Variants in IQGAP2 observed in about 807,000 individuals in gnomAD.
IQGAP2 encodes the protein ras GTPase-activating-like protein IQGAP2.
A neutral mutation model predicts 201.3 loss-of-function variants in IQGAP2; 173 were observed. That is an observed-to-expected ratio of 0.86 (90% CI 0.76 to 0.98). The LOEUF (loss-of-function observed/expected upper bound fraction) is 0.98. Among genes scored for constraint, IQGAP2 ranks in the 50% least tolerant of loss-of-function variants. The pLI is 0.00. For missense variants in IQGAP2, 1,687 were observed against 1,864.8 expected, an observed-to-expected ratio of 0.90 and a Z score of 1.76; for synonymous variants, 675 against 673.9, an observed-to-expected ratio of 1.00 and a Z score of -0.03.
chr5:76,645,165 C>T (rs1025507899), intron 17 of IQGAP2, among the ~76,000 whole-genome samples: 32 of 151,962 alleles, frequency 2.1e-4, no homozygotes, highest in African/African-American at 7.3e-4. Context: ...CATGTCCCTG[C>T]AAAGGATGTG....
chr5:76,605,965 C>T (rs767466828), intron 11 of IQGAP2, among the ~76,000 whole-genome samples: 2 of 152,162 alleles, frequency 1.3e-5, no homozygotes, highest in Non-Finnish European at 2.9e-5. Flanking sequence ...CTTTCATTAA[C>T]AGAATTTGTT....
chr5:76,654,371 A>C (rs1328312427), intron 19 of IQGAP2, 100 bp downstream of exon 19: 2 of 701,006 alleles, frequency 2.9e-6, no homozygotes, highest in South Asian at 3.6e-5. Context: ...AATGGTGAAC[A>C]TGAACACTTA....
intron 1 of IQGAP2, among the ~76,000 whole-genome samples, chr5:76,413,156 C>CTTTTTTTTTTTTTTTTTTTTTT (rs567410789): frequency 2.4e-5 from 2 of 83,722 alleles, no homozygotes; most frequent in African/African-American, 5.2e-5. Flanking sequence ...TTTCTTTTCT[C>CTTTTTTTTTTTTTTTTTTTTTT]TTTTTTTTTT....
chr5:76,626,901 G>C (rs377444957), intron 13 of IQGAP2, among the ~76,000 whole-genome samples: 4 of 152,162 alleles, frequency 2.6e-5, no homozygotes, highest in Non-Finnish European at 4.4e-5. Flanking sequence ...AAAGAGACTC[G>C]TGTGAAGGTC....
intron 1 of IQGAP2, among the ~76,000 whole-genome samples, chr5:76,411,678 G>GC (rs1751129274): frequency 6.6e-6 from 1 of 152,162 alleles, no homozygotes; most frequent in African/African-American, 2.4e-5. Flanking sequence ...CCAGTTGCAG[G>GC]CCCCTCAACC....
chr5:76,680,290 A>G (rs905349365), intron 28 of IQGAP2, among the ~76,000 whole-genome samples: 4 of 152,200 alleles, frequency 2.6e-5, no homozygotes, highest in Admixed American at 1.3e-4. Flanking sequence ...CATGCCAAAG[A>G]ATGTAGTTGT....
intron 2 of IQGAP2, among the ~76,000 whole-genome samples, chr5:76,502,701 G>A (rs1254017175): frequency 6.6e-6 from 1 of 152,158 alleles, no homozygotes; most frequent in Non-Finnish European, 1.5e-5. Context: ...TGTCTAAAGT[G>A]TAAAACAATT....
intron 1 of IQGAP2, among the ~76,000 whole-genome samples, chr5:76,459,890 C>G (rs189620765): frequency 6.6e-5 from 10 of 152,098 alleles, no homozygotes; most frequent in Non-Finnish European, 1.5e-4. Flanking sequence ...CTGCCTGCCT[C>G]GACCTCCCAA....
chr5:76,511,686 G>GTTTTTTT (rs70982618), intron 2 of IQGAP2, among the ~76,000 whole-genome samples: 1 of 141,364 alleles, frequency 7.1e-6, no homozygotes, highest in Non-Finnish European at 1.5e-5. Flanking sequence ...GTTTTGTTTT[G>GTTTTTTT]TTTTTTTTTT....
intron 2 of IQGAP2, among the ~76,000 whole-genome samples, chr5:76,497,108 A>G (rs1212895926): frequency 3.9e-5 from 6 of 152,140 alleles, no homozygotes; most frequent in Admixed American, 3.9e-4. Context: ...GATTACAGGC[A>G]TGAGCCACTG....
intron 3 of IQGAP2, among the ~76,000 whole-genome samples, chr5:76,569,900 A>G (rs1744996291): frequency 6.6e-6 from 1 of 152,252 alleles, no homozygotes; most frequent in South Asian, 2.1e-4. Flanking sequence ...AGGAATGACT[A>G]TCTGATGAGG....
intron 11 of IQGAP2, among the ~76,000 whole-genome samples, chr5:76,605,349 C>T (rs905721690): frequency 3.3e-5 from 5 of 152,086 alleles, no homozygotes; most frequent in African/African-American, 1.2e-4. Flanking sequence ...GTGAGAGGGC[C>T]ATTTTTAATT....
intron 5 of IQGAP2, among the ~76,000 whole-genome samples, chr5:76,581,906 C>T (rs1203172640): frequency 6.6e-6 from 1 of 152,152 alleles, no homozygotes; most frequent in African/African-American, 2.4e-5. Flanking sequence ...GTAAGAAAAC[C>T]ACTTTGATAG....
At chr5:76,660,556 A>G (rs1580749543) in intron 21 of IQGAP2, among the ~76,000 whole-genome samples, 2 of 152,382 alleles carry the variant, frequency 1.3e-5, no homozygotes, top group Non-Finnish European at 2.9e-5. Context: ...GTTGCAAATC[A>G]GTACATAGTT....
rs573486030 is a variant in IQGAP2 at position 76,661,021 on chromosome 5, A to G, written c.2529+2354A>G. Among the ~76,000 whole-genome samples, 5 of 152,228 alleles carry G rather than the reference A, an allele frequency of 3.3e-5. No homozygotes were observed. In the East Asian group the frequency reaches 9.6e-4, roughly 29 times the overall value. On this transcript the variant is annotated intron_variant, in intron 21 of 35. Transcript: ENST00000274364. ...GGTAGTATGATTTCTTTTATTATCA[A>G]AAAATAATAATCCAGAAGAAGAAAG... is the stretch of plus-strand genomic sequence containing the variant.
At chr5:76,436,680 G>T (rs891572308) in intron 1 of IQGAP2, among the ~76,000 whole-genome samples, 9 of 149,998 alleles carry the variant, frequency 6.0e-5, no homozygotes, top group African/African-American at 2.2e-4. Flanking sequence ...ACAGGTGTGT[G>T]CCACCATGCC....
At chr5:76,535,388 C>T (rs914545374) in intron 2 of IQGAP2, among the ~76,000 whole-genome samples, 2 of 152,066 alleles carry the variant, frequency 1.3e-5, no homozygotes, top group Non-Finnish European at 2.9e-5. Context: ...TAAAATGAAA[C>T]ATTTTCAAAA....
chr5:76,695,373 C>A (rs1278223996), intron 31 of IQGAP2, 81 bp from the exon 32 acceptor site: 2 of 1,179,024 alleles, frequency 1.7e-6, no homozygotes, highest in Non-Finnish European at 2.5e-6. Context: ...TTCATTTTGA[C>A]ATTAACTTGC....
intron 2 of IQGAP2, among the ~76,000 whole-genome samples, chr5:76,481,088 T>C (rs910429369): frequency 6.6e-6 from 1 of 152,182 alleles, no homozygotes; most frequent in African/African-American, 2.4e-5. Context: ...CCTCATGACT[T>C]AATCATCTCC....
Sources: gnomAD v4.1 joint callset for allele counts (sites outside exome capture counted in the v4.1 genomes callset) on GRCh38, gnomAD v4.1.1 for gene constraint, MANE v1.5 for transcripts, NCBI Gene and HGNC (gene_info 2026-07-23, HGNC 2026-07-21) for gene names.